The following RDX variants were observed in gnomAD, a reference collection of about 807,000 sequenced individuals.
The protein encoded by RDX is deafness, autosomal recessive 24.
A neutral mutation model predicts 83.7 loss-of-function variants in RDX; 32 were observed. The ratio of observed to expected loss-of-function variants is 0.38; its 90% CI spans 0.29 to 0.51. The LOEUF (loss-of-function observed/expected upper bound fraction) is 0.51. RDX is among the 20% of genes least tolerant of loss of function. The pLI is 0.87. For missense variants in RDX, 600 were observed against 689.9 expected (o/e 0.87, Z 1.46); for synonymous variants, 229 against 222.7 (o/e 1.03, Z -0.25).
chr11:110,239,916 T>A (rs1364157759), intron 10 of RDX, among the ~76,000 whole-genome samples: 1 of 150,612 alleles, frequency 6.6e-6, no homozygotes, highest in East Asian at 1.9e-4. Flanking sequence ...ACACTGTTGG[T>A]GGGAATGCAA....
intron 12 of RDX, 136 bp downstream of exon 12, chr11:110,235,963 T>C: frequency 1.5e-6 from 1 of 686,924 alleles, no homozygotes; most frequent in Non-Finnish European, 2.6e-6. Flanking sequence ...TGTAGATAGA[T>C]ATTTACAATA....
chr11:110,255,214 A>T, intron 8 of RDX, 75 bp downstream of exon 8: 1 of 804,118 alleles, frequency 1.2e-6, no homozygotes. Context: ...GAACACTGTT[A>T]TTCTTCAAGT....
intron 14 of RDX, among the ~76,000 whole-genome samples, chr11:110,203,939 G>A (rs909196440): frequency 6.6e-6 from 1 of 152,114 alleles, no homozygotes; most frequent in Admixed American, 6.5e-5. Context: ...CTATTCAGGG[G>A]GCTGAGGTGG....
chr11:110,277,677 A>G (rs955637371), intron 2 of RDX, among the ~76,000 whole-genome samples: 1 of 143,052 alleles, frequency 7.0e-6, no homozygotes. Flanking sequence ...TTTGTCCACT[A>G]AAAAAAAAAA....
chr11:110,205,033 C>T (rs141005611), intron 14 of RDX, among the ~76,000 whole-genome samples: 3 of 152,112 alleles, frequency 2.0e-5, no homozygotes, highest in Non-Finnish European at 4.4e-5. Flanking sequence ...GTAATTAAGA[C>T]AGAATAGTAT....
At chr11:110,223,301 G>A (rs553966940) in intron 14 of RDX, among the ~76,000 whole-genome samples, 4 of 151,944 alleles carry the variant, frequency 2.6e-5, no homozygotes, top group African/African-American at 7.2e-5. Context: ...TGCAGTGAGC[G>A]GAGATTGCGC....
At chr11:110,207,843 T>C (rs558079573) in intron 14 of RDX, among the ~76,000 whole-genome samples, 1 of 152,340 alleles carries the variant, frequency 6.6e-6, no homozygotes, top group East Asian at 1.9e-4. Flanking sequence ...ATAAAGATCA[T>C]TTGCCCTATT....
intron 9 of RDX, among the ~76,000 whole-genome samples, chr11:110,250,491 C>T (rs1859285718): frequency 1.3e-5 from 2 of 152,244 alleles, no homozygotes; most frequent in Non-Finnish European, 2.9e-5. Flanking sequence ...CAGATCTCAA[C>T]CAGAAGTCTA....
chr11:110,233,080 A>T (rs961248518), intron 13 of RDX, among the ~76,000 whole-genome samples, 157 bp downstream of exon 13: 4 of 152,256 alleles, frequency 2.6e-5, no homozygotes, highest in African/African-American at 9.6e-5. Context: ...ACACAACGGA[A>T]GAAATGAAAT....
chr11:110,284,106 GACGA>G (rs1227094251), intron 1 of RDX, among the ~76,000 whole-genome samples: 1 of 152,220 alleles, frequency 6.6e-6, no homozygotes, highest in Non-Finnish European at 1.5e-5. Flanking sequence ...TGCTAAGGTT[GACGA>G]ACAACGTTGG....
At chr11:110,209,487 A>C (rs2134252402) in intron 14 of RDX, among the ~76,000 whole-genome samples, 1 of 152,346 alleles carries the variant, frequency 6.6e-6, no homozygotes, top group South Asian at 2.1e-4. Context: ...GGAGCCCACC[A>C]CAGCTCAAGG....
intron 10 of RDX, among the ~76,000 whole-genome samples, chr11:110,244,582 G>C (rs572936547): frequency 2.1e-4 from 32 of 152,150 alleles, no homozygotes; most frequent in Non-Finnish European, 2.2e-4. Context: ...AAATGGGAGT[G>C]ACCGCTAATG....
chr11:110,267,469 C>T (rs1196025071), intron 3 of RDX, among the ~76,000 whole-genome samples: 8 of 150,910 alleles, frequency 5.3e-5, no homozygotes, highest in East Asian at 4.0e-4. Flanking sequence ...GCCGAGTTCG[C>T]GCCACTGCAC....
intron 1 of RDX, among the ~76,000 whole-genome samples, chr11:110,293,302 C>T (rs1861318901): frequency 6.6e-6 from 1 of 152,168 alleles, no homozygotes; most frequent in Non-Finnish European, 1.5e-5. Flanking sequence ...TGGGGTGTTC[C>T]AGGGAGTAAG....
At chr11:110,202,774 A>T (rs1393464464) in intron 14 of RDX, among the ~76,000 whole-genome samples, 1 of 151,950 alleles carries the variant, frequency 6.6e-6, no homozygotes, top group Non-Finnish European at 1.5e-5. Context: ...CAGATATATG[A>T]AAAGGTGCTC....
At chr11:110,246,826 C>A (rs1323666406) in intron 10 of RDX, among the ~76,000 whole-genome samples, 1 of 151,318 alleles carries the variant, frequency 6.6e-6, no homozygotes, top group Non-Finnish European at 1.5e-5. Context: ...ATCCCAAAAT[C>A]GGAATATTTC....
chr11:110,295,652 A>AAAAAC (rs1861421686), intron 1 of RDX, among the ~76,000 whole-genome samples: 2 of 150,972 alleles, frequency 1.3e-5, no homozygotes, highest in African/African-American at 4.9e-5. Context: ...GAAAAAAAAA[A>AAAAAC]AAAAACAAAA....
intron 15 of RDX, among the ~76,000 whole-genome samples, chr11:110,189,569 C>T (rs1036651841): frequency 5.9e-5 from 9 of 152,144 alleles, no homozygotes; most frequent in African/African-American, 1.7e-4. Context: ...TTCTCATCTA[C>T]ATACAGAAAA....
intron 3 of RDX, among the ~76,000 whole-genome samples, chr11:110,265,897 T>G (rs941797833): frequency 2.0e-5 from 3 of 152,202 alleles, no homozygotes; most frequent in Non-Finnish European, 4.4e-5. Context: ...TACTCTATCA[T>G]AATTGTGTTA....
Sources: allele counts gnomAD v4.1 joint callset (sites outside exome capture counted in the v4.1 genomes callset), GRCh38; gene constraint gnomAD v4.1.1; transcripts MANE v1.5; gene names NCBI Gene and HGNC (gene_info 2026-07-23, HGNC 2026-07-21).